The following CFAP95 variants were observed in gnomAD, a reference collection of about 807,000 sequenced individuals.
The protein encoded by CFAP95 is cilia and flagella associated protein 95, also known as cilia- and flagella-associated protein 95.
the CFAP95 span, among the ~76,000 whole-genome samples, chr9:69,823,134 T>C: frequency 6.6e-6 from 1 of 152,100 alleles, no homozygotes; most frequent in East Asian, 1.9e-4. Context: ...CTTACAACCA[T>C]GGTGGAAGGC....
the CFAP95 span, among the ~76,000 whole-genome samples, chr9:69,867,090 A>AG: frequency 6.6e-6 from 1 of 152,168 alleles, no homozygotes; most frequent in East Asian, 1.9e-4. Context: ...ATGACCGAGG[A>AG]GGTGGGATAT....
At chr9:69,840,373 G>C in the CFAP95 span, among the ~76,000 whole-genome samples, 1 of 152,066 alleles carries the variant, frequency 6.6e-6, no homozygotes, top group African/African-American at 2.4e-5. Context: ...AGTTAGTTTT[G>C]ACAAAGTGTT....
At chr9:69,838,656 T>C in the CFAP95 span, among the ~76,000 whole-genome samples, 1 of 152,072 alleles carries the variant, frequency 6.6e-6, no homozygotes, top group Non-Finnish European at 1.5e-5. Context: ...GTTTTCTAGA[T>C]ATATAATCAT....
the CFAP95 span, among the ~76,000 whole-genome samples, chr9:69,838,164 G>T: frequency 6.6e-6 from 1 of 152,114 alleles, no homozygotes; most frequent in East Asian, 1.9e-4. Context: ...GTCAGGTAGC[G>T]TGATGCCTCC....
At chr9:69,853,834 C>T in the CFAP95 span, among the ~76,000 whole-genome samples, 2 of 152,188 alleles carry the variant, frequency 1.3e-5, no homozygotes, top group Non-Finnish European at 2.9e-5. Flanking sequence ...CAGTTTTCTG[C>T]TCTGCCATCC....
At chr9:69,877,793 T>G in the CFAP95 span, among the ~76,000 whole-genome samples, 1 of 152,356 alleles carries the variant, frequency 6.6e-6, no homozygotes, top group East Asian at 1.9e-4. Context: ...TGCTTGTCTT[T>G]CTTGTTTTAC....
chr9:69,880,859 G>T, the CFAP95 span, among the ~76,000 whole-genome samples: 1 of 152,088 alleles, frequency 6.6e-6, no homozygotes, highest in Non-Finnish European at 1.5e-5. Context: ...ATTTTAACCG[G>T]CATGAGATGA....
chr9:69,855,448 AT>A, the CFAP95 span, among the ~76,000 whole-genome samples: 1 of 152,080 alleles, frequency 6.6e-6, no homozygotes, highest in Non-Finnish European at 1.5e-5. Flanking sequence ...TTCTCAAAAG[AT>A]TTTTTTTGCT....
chr9:69,861,004 G>A, the CFAP95 span, among the ~76,000 whole-genome samples: 1 of 152,120 alleles, frequency 6.6e-6, no homozygotes, highest in Non-Finnish European at 1.5e-5. Context: ...CTCTAAAACT[G>A]TGATAAAAAG....
the CFAP95 span, among the ~76,000 whole-genome samples, chr9:69,828,924 G>A: frequency 6.6e-6 from 1 of 152,056 alleles, no homozygotes; most frequent in African/African-American, 2.4e-5. Flanking sequence ...CTTTTCCCTG[G>A]ATGCAAGCAT....
chr9:69,905,838 A>T, the CFAP95 span: 1 of 755,910 alleles, frequency 1.3e-6, no homozygotes, highest in Non-Finnish European at 1.9e-6. Flanking sequence ...AAATTAATCA[A>T]TTGTTAAAAA....
At chr9:69,853,405 G>A in the CFAP95 span, among the ~76,000 whole-genome samples, 1 of 152,236 alleles carries the variant, frequency 6.6e-6, no homozygotes, top group African/African-American at 2.4e-5. Flanking sequence ...TATGAAATGA[G>A]CTTCCTCTAT....
At chr9:69,833,049 T>G in the CFAP95 span, among the ~76,000 whole-genome samples, 2 of 152,184 alleles carry the variant, frequency 1.3e-5, no homozygotes, top group Non-Finnish European at 1.5e-5. Context: ...CAAATCACCC[T>G]TTTAAAGTGT....
chr9:69,830,369 A>C, the CFAP95 span, among the ~76,000 whole-genome samples: 1 of 152,190 alleles, frequency 6.6e-6, no homozygotes, highest in African/African-American at 2.4e-5. Context: ...CTGGGCTGGC[A>C]GTCCTAGAGT....
chr9:69,868,198 C>G, the CFAP95 span, among the ~76,000 whole-genome samples: 1 of 152,106 alleles, frequency 6.6e-6, no homozygotes, highest in Non-Finnish European at 1.5e-5. Context: ...GATTTAAGTG[C>G]AAGACCTGAA....
the CFAP95 span, among the ~76,000 whole-genome samples, chr9:69,885,287 CATAATA>C: frequency 1.5e-5 from 2 of 129,800 alleles, no homozygotes; most frequent in Admixed American, 7.5e-5. Flanking sequence ...CATCCAGTCC[CATAATA>C]TTGCCAGGAA....
the CFAP95 span, among the ~76,000 whole-genome samples, chr9:69,872,351 A>C: frequency 2.9e-3 from 445 of 152,342 alleles, 3 homozygotes; most frequent in African/African-American, 0.01. Flanking sequence ...GGAGAAAATC[A>C]AAGCACAAAA....
chr9:69,906,029 A>G, the CFAP95 span: 4 of 1,613,434 alleles, frequency 2.5e-6, no homozygotes, highest in East Asian at 2.2e-5. Flanking sequence ...AAATGGTTCT[A>G]AAAGATTTGG....
At chr9:69,851,524 T>G in the CFAP95 span, among the ~76,000 whole-genome samples, 1 of 152,164 alleles carries the variant, frequency 6.6e-6, no homozygotes, top group East Asian at 1.9e-4. Flanking sequence ...GGATAATTTT[T>G]TATTTCCCCA....
Sources: gnomAD v4.1 joint callset for allele counts (sites outside exome capture counted in the v4.1 genomes callset) on GRCh38, gnomAD v4.1.1 for gene constraint, MANE v1.5 for transcripts, NCBI Gene and HGNC (gene_info 2026-07-23, HGNC 2026-07-21) for gene names.